MAP1B: variants seen among roughly 807,000 people sequenced by gnomAD.
MAP1B encodes microtubule-associated protein 1B.
In MAP1B, 12 loss-of-function variants were observed where a neutral mutation model predicts 176.1. That is an observed-to-expected ratio of 0.07 (90% CI 0.04 to 0.11). The LOEUF is 0.11. Among genes scored for constraint, MAP1B ranks in the 10% least tolerant of loss-of-function variants. The pLI is 1.00. For missense variants in MAP1B, 2,523 were observed against 2,990.5 expected (o/e 0.84, Z 3.65); for synonymous variants, 1,044 against 1,135.0 (o/e 0.92, Z 1.61).
At chr5:72,135,842 C>T (rs1745829839) in intron 2 of MAP1B, among the ~76,000 whole-genome samples, 2 of 152,170 alleles carry the variant, frequency 1.3e-5, no homozygotes, top group South Asian at 4.1e-4. Flanking sequence ...TCTTTTTCCT[C>T]ATTGGACTTT....
intron 1 of MAP1B, among the ~76,000 whole-genome samples, chr5:72,111,034 T>G (rs1221237394): frequency 6.6e-6 from 1 of 152,234 alleles, no homozygotes; most frequent in Non-Finnish European, 1.5e-5. Context: ...TAGCTTCATT[T>G]ATTTAGTTAT....
At chr5:72,146,173 A>G (rs1746043006) in intron 2 of MAP1B, among the ~76,000 whole-genome samples, 1 of 152,220 alleles carries the variant, frequency 6.6e-6, no homozygotes, top group South Asian at 2.1e-4. Flanking sequence ...ACTCTTTTAA[A>G]TCAATTTATT....
intron 2 of MAP1B, among the ~76,000 whole-genome samples, chr5:72,131,396 T>C (rs1485608713): frequency 6.6e-6 from 1 of 152,208 alleles, no homozygotes; most frequent in African/African-American, 2.4e-5. Flanking sequence ...TTTATAGGTA[T>C]AGAGTACGCA....
intron 2 of MAP1B, among the ~76,000 whole-genome samples, chr5:72,153,027 A>G (rs1482349634): frequency 6.6e-6 from 1 of 152,198 alleles, no homozygotes; most frequent in Non-Finnish European, 1.5e-5. Flanking sequence ...TGAAAATAAG[A>G]AAACAAAATT....
Position 72,200,453 on chromosome 5 carries a change from T to C in MAP1B, c.7012+86T>C, listed in dbSNP as rs1747308107. 9.4e-6 allele frequency: 14 copies of C among 1,496,464 alleles called. No individual in the cohort carries two copies. In the South Asian group the frequency reaches 1.8e-4, roughly 20 times the overall value. 92.7% of individuals were successfully genotyped at this position (1,496,464 alleles called of 1,614,324 possible). On this transcript the variant is annotated intron_variant, in intron 5 of 6. Coordinates refer to ENST00000296755, the MANE Select transcript of MAP1B (RefSeq NM_005909.5). The stretch of plus-strand genomic sequence containing the variant: ...CTTTATATTTCCCTGTTTGGCTTTG[T>C]ACTGGGAAGATGAGGGAGCACAATT...
chr5:72,135,702 A>C (rs779789705), intron 2 of MAP1B, among the ~76,000 whole-genome samples: 1 of 152,202 alleles, frequency 6.6e-6, no homozygotes, highest in Non-Finnish European at 1.5e-5. Context: ...GAACAGAGTC[A>C]TCCTGTGAAA....
At chr5:72,202,125 T>C (rs1216273602) in intron 5 of MAP1B, among the ~76,000 whole-genome samples, 2 of 152,246 alleles carry the variant, frequency 1.3e-5, no homozygotes, top group Non-Finnish European at 2.9e-5. Context: ...TTTAGATGTC[T>C]AAAAAGGCAA....
Position 72,195,044 on chromosome 5 carries a change from A to G in MAP1B, c.1689A>G (p.Glu563=). 6.2e-7 allele frequency: 1 copy of G among 1,614,182 alleles called. No individual in the cohort carries two copies. Among genetic ancestry groups the G allele is most frequent in the Non-Finnish European group, 8.5e-7 (1 of 1,180,040 alleles). ...PSKSVRKESK[E]ETPEVTKVNH... ...AATCCGTGCGCAAGGAGTCAAAAGAAGAAACCCCTGAGGTCACAAAAGTGA... is the reference window on the plus strand; with the variant it reads ...AATCCGTGCGCAAGGAGTCAAAAGAGGAAACCCCTGAGGTCACAAAAGTGA... The change falls in exon 5 of 7, where the codon GAA becomes GAG. Residue 563 remains glutamate, a synonymous_variant. Coordinates refer to ENST00000296755, the MANE Select transcript of MAP1B (RefSeq NM_005909.5).
At chr5:72,141,968 C>T (rs1431415254) in intron 2 of MAP1B, among the ~76,000 whole-genome samples, 4 of 152,190 alleles carry the variant, frequency 2.6e-5, no homozygotes, top group Non-Finnish European at 5.9e-5. Context: ...TCTCCCAGCA[C>T]AGCACTGCAG....
intron 2 of MAP1B, among the ~76,000 whole-genome samples, chr5:72,178,338 T>A (rs1272017249): frequency 9.2e-5 from 14 of 152,274 alleles, no homozygotes. Flanking sequence ...CATTTAGTGC[T>A]TGTGGTCTTT....
chr5:72,186,824 TG>T lies in MAP1B; in HGVS notation c.510+75del. On this transcript the variant is annotated intron_variant, in intron 4 of 6. Transcript: ENST00000296755. The surrounding 1 kb of genome is among the most constrained non-coding windows in gnomAD (Gnocchi z 4.3). ...GCCTTAGGTTCCTCTTTGAGAGCAC[TG>T]GGGGAGACAAAAGAAGAAGGGAGGG... is the stretch of plus-strand genomic sequence containing the variant. The T allele has an allele frequency of 1.9e-6, 3 of 1,563,030 alleles. No homozygotes were observed. Among genetic ancestry groups the T allele is most frequent in the African/African-American group, 1.4e-5 (1 of 73,864 alleles).
intron 2 of MAP1B, among the ~76,000 whole-genome samples, chr5:72,137,968 C>G (rs1352494918): frequency 6.6e-6 from 1 of 152,132 alleles, no homozygotes; most frequent in Non-Finnish European, 1.5e-5. Flanking sequence ...GAATTATCAA[C>G]TATTCTGTTT....
In MAP1B at chr5:72,192,528, A is replaced by G. The variant is rs551698231; in HGVS notation, c.511-1338A>G. On this transcript the variant is annotated intron_variant, in intron 4 of 6. Coordinates refer to ENST00000296755, the MANE Select transcript of MAP1B (RefSeq NM_005909.5). ...TTTTACTGCAATATTGCAGTCGAAT[A>G]TAGGAAAACTCAGATTCTATAAATT... Among the ~76,000 whole-genome samples the G allele has an allele frequency of 1.2e-4, 19 of 152,374 alleles. No individual in the cohort carries two copies. The East Asian group carries it at 3.5e-3, about 28-fold the overall frequency.
At chr5:72,152,948 C>T (rs1475745312) in intron 2 of MAP1B, among the ~76,000 whole-genome samples, 2 of 152,068 alleles carry the variant, frequency 1.3e-5, no homozygotes, top group African/African-American at 4.8e-5. Flanking sequence ...CGCAATTCCA[C>T]CAGAGGAACC....
chr5:72,165,409 C>A (rs1368096222), intron 2 of MAP1B, among the ~76,000 whole-genome samples: 1 of 151,980 alleles, frequency 6.6e-6, no homozygotes, highest in Non-Finnish European at 1.5e-5. Flanking sequence ...GTCCACAGAC[C>A]CAGAATCTAA....
At position 72,205,879 on chromosome 5, in the gene MAP1B, C is replaced by G. The variant is rs968869126; in HGVS notation, c.*640C>G. 1 of 152,416 alleles carries G rather than the reference C, an allele frequency of 6.6e-6. No homozygotes were observed. Among genetic ancestry groups the G allele is most frequent in the Non-Finnish European group, 1.5e-5 (1 of 68,100 alleles). 9.4% of individuals were successfully genotyped at this position (152,416 alleles called of 1,614,324 possible). ...GTTGGCTAGAAGAAAGTAAAAAGAA[C>G]AACACTTGTTATGAGGGCATGTGAT... On this transcript the variant is annotated 3_prime_UTR_variant, in exon 7 of 7. Transcript: ENST00000296755.
chr5:72,171,421 C>A (rs1746538539), intron 2 of MAP1B, among the ~76,000 whole-genome samples: 1 of 152,008 alleles, frequency 6.6e-6, no homozygotes, highest in African/African-American at 2.4e-5. Context: ...GACCCCATCT[C>A]TACAAAAAAC....
At chr5:72,139,003 A>G (rs914876388) in intron 2 of MAP1B, among the ~76,000 whole-genome samples, 5 of 152,228 alleles carry the variant, frequency 3.3e-5, no homozygotes, top group Admixed American at 6.5e-5. Context: ...CATTGGAGAC[A>G]TGAATCACTA....
chr5:72,195,490 A>G lies in MAP1B; in HGVS notation c.2135A>G (p.Glu712Gly). 1.3e-6 allele frequency: 2 copies of G among 1,587,384 alleles called. No homozygotes were observed. Among genetic ancestry groups the G allele is most frequent in the Non-Finnish European group, 1.7e-6 (2 of 1,173,122 alleles). Residue 712 changes from glutamate (E) to glycine (G), a missense_variant, in exon 5 of 7, where the codon GAA (glutamate) becomes GGA (glycine). By Grantham distance (98) the Glu-to-Gly change is moderately conservative. Transcript: ENST00000296755. Reference sequence around the variant, plus strand: ...ACACCGCCAAAGGAAGTCAAGAAGGAAGTTAAGAAGGAAGAGAAGAAGGAA... The same window carrying G: ...ACACCGCCAAAGGAAGTCAAGAAGGGAGTTAAGAAGGAAGAGAAGAAGGAA... ...KETPPKEVKK[E>G]VKKEEKKEVK...
Sources: allele counts gnomAD v4.1 joint callset (sites outside exome capture counted in the v4.1 genomes callset), GRCh38; gene constraint gnomAD v4.1.1; non-coding constraint Gnocchi (gnomAD v3.1); transcripts MANE v1.5; gene names NCBI Gene and HGNC (gene_info 2026-07-23, HGNC 2026-07-21).